The following CCDC149 variants were observed in gnomAD, a reference collection of about 807,000 sequenced individuals.
The protein encoded by CCDC149 is coiled-coil domain containing 149.
Under a neutral mutation model 59.9 loss-of-function variants are expected in CCDC149, and 45 were observed. That is an observed-to-expected ratio of 0.75 (90% confidence interval 0.59 to 0.96). CCDC149 has a LOEUF of 0.96. CCDC149 is among the 40% of genes least tolerant of loss of function. The pLI, the probability that CCDC149 is intolerant of heterozygous loss-of-function variation, is 0.00. For missense variants in CCDC149, 584 were observed against 664.7 expected (o/e 0.88, Z 1.33); for synonymous variants, 245 against 260.6 (o/e 0.94, Z 0.58).
intron 1 of CCDC149, among the ~76,000 whole-genome samples, chr4:24,927,247 G>GT (rs1263890154): frequency 6.6e-6 from 1 of 152,222 alleles, no homozygotes; most frequent in African/African-American, 2.4e-5. Context: ...ACTCAGTTGT[G>GT]TTTATGGCCA....
At chr4:24,930,885 G>C (rs1349530249) in intron 1 of CCDC149, among the ~76,000 whole-genome samples, 1 of 152,134 alleles carries the variant, frequency 6.6e-6, no homozygotes, top group Non-Finnish European at 1.5e-5. Flanking sequence ...GGTGTTCTGA[G>C]CTAGAGAAGG....
intron 1 of CCDC149, among the ~76,000 whole-genome samples, chr4:24,927,538 C>A (rs933732117): frequency 3.3e-5 from 5 of 152,194 alleles, no homozygotes; most frequent in African/African-American, 7.2e-5. Context: ...AAATGTAAAT[C>A]TTCATAAAAA....
intron 10 of CCDC149, 109 bp from the exon 11 acceptor site, chr4:24,821,196 T>C: frequency 2.2e-6 from 1 of 459,670 alleles, no homozygotes; most frequent in Non-Finnish European, 3.5e-6. Flanking sequence ...ATTTGTTCAC[T>C]CGAGTAACTT....
At chr4:24,861,629 C>T (rs563048654) in intron 3 of CCDC149, among the ~76,000 whole-genome samples, 17 of 52,030 alleles carry the variant, frequency 3.3e-4, no homozygotes, top group Admixed American at 1.0e-3. Context: ...CCCTAAACTA[C>T]TGAAATTAAA....
intron 1 of CCDC149, among the ~76,000 whole-genome samples, chr4:24,941,075 A>C (rs369198224): frequency 0.027 from 4,109 of 152,232 alleles, 94 homozygotes; most frequent in South Asian, 0.1. Flanking sequence ...CTCTCCACCC[A>C]AAATCAACAG....
chr4:24,840,247 G>A (rs573340807), intron 4 of CCDC149, among the ~76,000 whole-genome samples: 79 of 152,236 alleles, frequency 5.2e-4, no homozygotes, highest in African/African-American at 1.9e-3. Context: ...AAGCACCATT[G>A]GGACTGGGTG....
chr4:24,894,919 T>C, intron 1 of CCDC149: 2 of 1,525,986 alleles, frequency 1.3e-6, no homozygotes, highest in Non-Finnish European at 1.8e-6. Flanking sequence ...GGCTTTCTGA[T>C]AGTGGGGAAA....
chr4:24,971,494 G>A (rs1180643696), intron 1 of CCDC149, among the ~76,000 whole-genome samples: 1 of 152,258 alleles, frequency 6.6e-6, no homozygotes, highest in Non-Finnish European at 1.5e-5. Context: ...ACGTTAGGTG[G>A]TCACCCACAT....
chr4:24,972,077 C>A (rs1042499344), intron 1 of CCDC149, among the ~76,000 whole-genome samples: 5 of 152,146 alleles, frequency 3.3e-5, no homozygotes, highest in Non-Finnish European at 5.9e-5. Context: ...ATATATAAAA[C>A]CAAGTTGTGG....
intron 4 of CCDC149, among the ~76,000 whole-genome samples, chr4:24,840,175 C>T (rs1254254298): frequency 6.6e-6 from 1 of 152,110 alleles, no homozygotes; most frequent in Non-Finnish European, 1.5e-5. Context: ...TACTTTGGGT[C>T]CTTATTTGAA....
At chr4:24,911,840 CCACAAGGAAAGGAAAAGAGCAAACCGATA>C (rs1417208966) in intron 1 of CCDC149, among the ~76,000 whole-genome samples, 3 of 152,156 alleles carry the variant, frequency 2.0e-5, no homozygotes, top group Non-Finnish European at 4.4e-5. Flanking sequence ...TTCCCATAAC[CCACAAGGAAAGGAAAAGAGCAAACCGATA>C]CACTCTGCAT....
At chr4:24,936,908 T>C (rs1722800704) in intron 1 of CCDC149, among the ~76,000 whole-genome samples, 1 of 152,198 alleles carries the variant, frequency 6.6e-6, no homozygotes, top group African/African-American at 2.4e-5. Flanking sequence ...CCCGAAGGTC[T>C]CTTAGGGGAG....
chr4:24,896,111 G>A (rs1720831833), intron 1 of CCDC149, among the ~76,000 whole-genome samples: 2 of 152,190 alleles, frequency 1.3e-5, no homozygotes, highest in Admixed American at 6.5e-5. Context: ...AGTTAAAACC[G>A]AGCTCCTCTT....
At chr4:24,947,599 G>A (rs898683604) in intron 1 of CCDC149, among the ~76,000 whole-genome samples, 3 of 152,100 alleles carry the variant, frequency 2.0e-5, no homozygotes, top group African/African-American at 7.2e-5. Context: ...TCCTCCCCAC[G>A]TCTATCCTCC....
intron 1 of CCDC149, among the ~76,000 whole-genome samples, chr4:24,973,548 G>A (rs1724046527): frequency 6.6e-6 from 1 of 152,184 alleles, no homozygotes; most frequent in Non-Finnish European, 1.5e-5. Context: ...GAGGCTACTG[G>A]CAGCTATCTT....
In CCDC149 at chr4:24,874,244, G is replaced by GTTTTT. The variant is rs5856868; in HGVS notation, c.226-530_226-526dup. 1.1e-4 allele frequency among the ~76,000 whole-genome samples: 10 copies of GTTTTT among 87,476 alleles called. 2 individuals carry two copies. Among genetic ancestry groups the GTTTTT allele is most frequent in the African/African-American group, 4.1e-4 (7 of 17,166 alleles). 57.4% of individuals were successfully genotyped at this position (87,476 alleles called of 152,430 possible). ...GAGAACTTCTAGTCCTATTAGATTT[G>GTTTTT]TTTTTTTTTTTTTTTGTTTTGTTTT... is the stretch of plus-strand genomic sequence containing the variant. On this transcript the variant is annotated intron_variant, in intron 2 of 12. Coordinates refer to ENST00000635206, the MANE Select transcript of CCDC149 (RefSeq NM_001330643.2).
intron 1 of CCDC149, among the ~76,000 whole-genome samples, chr4:24,931,178 G>A (rs1366362074): frequency 1.3e-5 from 2 of 149,392 alleles, no homozygotes; most frequent in African/African-American, 4.9e-5. Flanking sequence ...TCATATATAT[G>A]TATATGTGTG....
chr4:24,889,385 G>A (rs1283660602), intron 1 of CCDC149, among the ~76,000 whole-genome samples: 1 of 152,226 alleles, frequency 6.6e-6, no homozygotes, highest in Non-Finnish European at 1.5e-5. Context: ...CTTACCTAGA[G>A]TGAATTTGCT....
intron 1 of CCDC149, among the ~76,000 whole-genome samples, chr4:24,939,444 A>C (rs1722887469): frequency 6.6e-6 from 1 of 152,070 alleles, no homozygotes; most frequent in African/African-American, 2.4e-5. Context: ...AAAGATGCGG[A>C]AAAAACAGAG....
Sources: allele counts gnomAD v4.1 joint callset (sites outside exome capture counted in the v4.1 genomes callset), GRCh38; gene constraint gnomAD v4.1.1; transcripts MANE v1.5; gene names NCBI Gene and HGNC (gene_info 2026-07-23, HGNC 2026-07-21).